ATN1: variants seen among roughly 807,000 people sequenced by gnomAD.
ATN1 encodes the protein atrophin 1, also known as atrophin-1.
ATN1 carries 19 observed loss-of-function variants against 85.8 expected under a neutral mutation model. The ratio of observed to expected loss-of-function variants is 0.22; its 90% confidence interval spans 0.15 to 0.32. The LOEUF is 0.32. Ranked by LOEUF, ATN1 falls within the 10% of genes least tolerant of loss-of-function variation. The probability of loss-of-function intolerance (pLI) is 1.00; values close to 1 mark genes in which losing one functional copy is unlikely to be tolerated. For missense variants in ATN1, 1,453 were observed against 1,564.5 expected, an observed-to-expected ratio of 0.93 and a Z score of 1.20; for synonymous variants, 674 against 657.0, an observed-to-expected ratio of 1.03 and a Z score of -0.39.
Position 6,938,567 on chromosome 12 carries a change from GGT to G in ATN1, c.2606_2607del (p.Val869GlyfsTer10). The stretch of plus-strand genomic sequence containing the variant: ...GCCCTCCATTTGAACCGGGCAGTGC[GGT>G]GGCTACAGTGCCCCCCTACCTGGGT... ...HRPPFEPGSA[V>X]ATVPPYLGPD... is the part of the protein sequence containing the mutation. On this transcript the variant is annotated frameshift_variant, in exon 7 of 10. Coordinates refer to ENST00000396684, the MANE Select transcript of ATN1 (RefSeq NM_001940.4). LOFTEE classifies it high-confidence loss of function. The G allele has an allele frequency of 6.2e-7, 1 of 1,614,210 alleles. No individual in the cohort carries two copies. Among genetic ancestry groups the G allele is most frequent in the East Asian group, 2.2e-5 (1 of 44,892 alleles).
chr12:6,936,878 G>C lies in ATN1; in HGVS notation c.1611G>C (p.Gly537=), dbSNP rs1555143827. ...CTTACGCCATGTCTCCCTCCCTGGG[G>C]TCTCTGAGGCCCTACCCACCAGGGC... The part of the protein sequence containing the change: ...AHPYAMSPSL[G]SLRPYPPGPA... Residue 537 remains glycine, a synonymous_variant, in exon 5 of 10, where the codon GGG becomes GGC. Transcript: ENST00000396684. 2 of 1,613,980 alleles carry C rather than the reference G, an allele frequency of 1.2e-6. No homozygotes were observed. The highest frequency in any genetic ancestry group is 4.5e-5 in the East Asian group (2 of 44,858).
chr12:6,928,509 T>C (rs1945424930), intron 1 of ATN1, 125 bp downstream of exon 1: 1 of 151,690 alleles, frequency 6.6e-6, no homozygotes, highest in Admixed American at 6.6e-5. Context: ...CCATTTGTTA[T>C]TTTCCCAATC....
At position 6,936,110 on chromosome 12, in the gene ATN1, T is replaced by A. The variant is rs782606614; in HGVS notation, c.843T>A (p.Gly281=). 6.5e-7 allele frequency: 1 copy of A among 1,527,558 alleles called. No individual in the cohort carries two copies. The highest frequency in any genetic ancestry group is 8.8e-7 in the Non-Finnish European group (1 of 1,138,382). The allele number at this position is 1,527,558 out of a possible 1,614,324, so 94.6% of individuals were successfully genotyped here. Residue 281 remains glycine (G), a synonymous_variant, in exon 5 of 10, where the codon GGT becomes GGA. Transcript: ENST00000396684. ...PPTKPPTTPV[G]GGNLPSAPPP... is the part of the protein sequence containing the mutation. ...CAAAGCCGCCTACCACTCCAGTGGG[T>A]GGTGGGAACCTACCTTCTGCTCCAC...
rs1945635214 is a variant in ATN1 at position 6,941,564 on chromosome 12, G to A, written c.3539+10G>A. ...AGGAGGACTACTACAGGTACCCTAG[G>A]GTGCCCCAGCCCAGGGGACATGGGC... is the stretch of plus-strand genomic sequence containing the variant. On this transcript the variant is annotated intron_variant, in intron 9 of 9. Coordinates refer to ENST00000396684, the MANE Select transcript of ATN1 (RefSeq NM_001940.4). This position sits in a 1 kb window ranked among gnomAD's most constrained non-coding sequence, Gnocchi z 5.9. 2.5e-6 allele frequency: 4 copies of A among 1,612,420 alleles called. No individual in the cohort carries two copies. Among genetic ancestry groups the A allele is most frequent in the Non-Finnish European group, 2.5e-6 (3 of 1,179,686 alleles).
upstream of ATN1, among the ~76,000 whole-genome samples, chr12:6,925,055 G>A (rs1005305650): frequency 6.6e-6 from 1 of 152,068 alleles, no homozygotes; most frequent in African/African-American, 2.4e-5. Flanking sequence ...AATGGGTTGT[G>A]GGGGGCTGAG....
chr12:6,933,931 G>C lies in ATN1; in HGVS notation c.-71G>C. The C allele has an allele frequency of 6.4e-7, 1 of 1,551,838 alleles. No homozygotes were observed. Among genetic ancestry groups the C allele is most frequent in the African/African-American group, 1.4e-5 (1 of 74,018 alleles). On this transcript the variant is annotated 5_prime_UTR_variant, in exon 2 of 10. Transcript: ENST00000396684. ...CCCAGACCACAGCTGTGGGGAACTT[G>C]GGGTGGAGCAGAGAAGTTTCTGTAT... is the stretch of plus-strand genomic sequence containing the variant.
At chr12:6,925,513 C>T (rs1476794727), upstream of ATN1, among the ~76,000 whole-genome samples, 4 of 151,876 alleles carry the variant, frequency 2.6e-5, no homozygotes, top group African/African-American at 7.3e-5. Flanking sequence ...GGAAGGGAGT[C>T]GGGGTGCACA....
At chr12:6,925,100 CTG>C (rs1491324208), upstream of ATN1, among the ~76,000 whole-genome samples, 24 of 129,688 alleles carry the variant, frequency 1.9e-4, no homozygotes, top group Non-Finnish European at 3.6e-4. Flanking sequence ...ATGGCTGGGG[CTG>C]TGTGTGTGCG....
chr12:6,926,996 A>G (rs992802441), upstream of ATN1, among the ~76,000 whole-genome samples: 8 of 150,012 alleles, frequency 5.3e-5, no homozygotes, highest in African/African-American at 2.0e-4. Flanking sequence ...TTTCTCACCC[A>G]GAACCTATTT....
chr12:6,930,427 G>A (rs1326351674), intron 1 of ATN1, among the ~76,000 whole-genome samples: 1 of 152,040 alleles, frequency 6.6e-6, no homozygotes, highest in East Asian at 1.9e-4. Context: ...TTCTTTTCCT[G>A]TTCTTACTTA....
rs1170825960 is a variant in ATN1 at position 6,936,968 on chromosome 12, A to G, written c.1701A>G (p.Pro567=). 3 of 1,613,510 alleles carry G rather than the reference A, an allele frequency of 1.9e-6. No homozygotes were observed. The highest frequency in any genetic ancestry group is 2.2e-5 in the East Asian group (1 of 44,826). The change falls in exon 5 of 10, where the codon CCA becomes CCG. Residue 567 remains proline, a synonymous_variant. Coordinates refer to ENST00000396684, the MANE Select transcript of ATN1 (RefSeq NM_001940.4). ...SYSQAGPNGP[P]VSSSSNSSSS... is the part of the protein sequence containing the mutation. ...GCCAAGCAGGCCCCAATGGCCCTCCAGTCTCTTCCTCTTCCAACTCTTCCT... is the reference window on the plus strand; with the variant it reads ...GCCAAGCAGGCCCCAATGGCCCTCCGGTCTCTTCCTCTTCCAACTCTTCCT...
chr12:6,935,545 A>G lies in ATN1; in HGVS notation c.280-2A>G. On this transcript the variant is annotated splice_acceptor_variant, in intron 4 of 9. Coordinates refer to ENST00000396684, the MANE Select transcript of ATN1 (RefSeq NM_001940.4). LOFTEE classifies it high-confidence loss of function. This position sits in a 1 kb window ranked among gnomAD's most constrained non-coding sequence, Gnocchi z 5.3. ...AAAAAATGAGTCTTCCCTTTTCTAC[A>G]GCAGGAACTCCCTCGGCCACAGTCT... 6.2e-7 allele frequency: 1 copy of G among 1,606,528 alleles called. No individual in the cohort carries two copies. Among genetic ancestry groups the G allele is most frequent in the Non-Finnish European group, 8.5e-7 (1 of 1,174,362 alleles).
rs1555143658 is a variant in ATN1 at position 6,936,415 on chromosome 12, C to T, written c.1148C>T (p.Ala383Val). 1.1e-5 allele frequency: 17 copies of T among 1,613,256 alleles called. No individual in the cohort carries two copies. The highest frequency in any genetic ancestry group is 2.2e-5 in the East Asian group (1 of 44,878). Reference protein sequence around the residue: ...FPYSSSSSSSAAASSSSSSSS... With the variant: ...FPYSSSSSSSVAASSSSSSSS... ...TATTCATCCTCTAGTAGTAGCTCTG[C>T]AGCAGCCTCCTCTTCCAGTTCTTCC... is the stretch of plus-strand genomic sequence containing the variant. Residue 383 changes from alanine to valine, a missense_variant, in exon 5 of 10, where the codon GCA becomes GTA. Transcript: ENST00000396684.
At chr12:6,938,129 T>C in intron 6 of ATN1, 62 bp downstream of exon 6, 1 of 1,480,750 alleles carries the variant, frequency 6.8e-7, no homozygotes. Flanking sequence ...CCCTCTGCGC[T>C]GCGCTGCGCT....
chr12:6,932,698 T>C (rs966600932), intron 1 of ATN1, among the ~76,000 whole-genome samples: 4 of 152,228 alleles, frequency 2.6e-5, no homozygotes, highest in African/African-American at 9.6e-5. Flanking sequence ...TAATCATTCA[T>C]GTGAAAACCC....
chr12:6,937,457 G>T lies in ATN1; in HGVS notation c.2190G>T (p.Pro730=). The T allele has an allele frequency of 6.5e-7, 1 of 1,546,840 alleles. No individual in the cohort carries two copies. ...GCGCCACGCAGATCAAACAGGAGCC[G>T]GCTGAGGAGTATGAGACCCCCGAGA... ...PLSATQIKQE[P]AEEYETPESP... The change falls in exon 5 of 10, where the codon CCG becomes CCT. Residue 730 remains proline (P), a synonymous_variant. Coordinates refer to ENST00000396684, the MANE Select transcript of ATN1 (RefSeq NM_001940.4). This position sits in a 1 kb window ranked among gnomAD's most constrained non-coding sequence, Gnocchi z 6.0.
intron 1 of ATN1, among the ~76,000 whole-genome samples, chr12:6,931,552 A>C (rs1215249981): frequency 1.3e-5 from 2 of 151,282 alleles, no homozygotes; most frequent in Non-Finnish European, 2.9e-5. Context: ...CGTCTCTACT[A>C]AAAATACAAA....
rs1945505150 is a variant in ATN1 at position 6,934,434 on chromosome 12, A to G, written c.166-31A>G. ...ACGGTGGAGCTCGGGAGGTAGGGAAAAGACAGGAATTTTCTCTTTCTCTCT... is the reference window on the plus strand; with the variant it reads ...ACGGTGGAGCTCGGGAGGTAGGGAAGAGACAGGAATTTTCTCTTTCTCTCT... On this transcript the variant is annotated intron_variant, in intron 3 of 9. Coordinates refer to ENST00000396684, the MANE Select transcript of ATN1 (RefSeq NM_001940.4). The surrounding 1 kb of genome is among the most constrained non-coding windows in gnomAD (Gnocchi z 4.5). 6 of 1,601,386 alleles carry G rather than the reference A, an allele frequency of 3.7e-6. No homozygotes were observed. Among genetic ancestry groups the G allele is most frequent in the Middle Eastern group, 1.7e-4 (1 of 5,992 alleles).
chr12:6,925,149 A>T (rs372418925), upstream of ATN1, among the ~76,000 whole-genome samples: 5,893 of 120,498 alleles, frequency 0.049, 357 homozygotes, highest in African/African-American at 0.19. Flanking sequence ...TGTGAGAGAG[A>T]GAGAGAGAGA....
Sources: allele counts gnomAD v4.1 joint callset (sites outside exome capture counted in the v4.1 genomes callset), GRCh38; gene constraint gnomAD v4.1.1; non-coding constraint Gnocchi (gnomAD v3.1); transcripts MANE v1.5; gene names NCBI Gene and HGNC (gene_info 2026-07-23, HGNC 2026-07-21).